The following ENTPD1 variants were observed in gnomAD, a reference collection of about 807,000 sequenced individuals.
The protein encoded by ENTPD1 is ATP diphosphohydrolase.
Under a neutral mutation model 57.0 loss-of-function variants are expected in ENTPD1, and 33 were observed. The ratio of observed to expected loss-of-function variants is 0.58; its 90% CI spans 0.44 to 0.77. The LOEUF is 0.77. Among genes scored for constraint, ENTPD1 ranks in the 30% least tolerant of loss-of-function variants. The probability of loss-of-function intolerance (pLI) is 0.00; values close to 1 mark genes in which losing one functional copy is unlikely to be tolerated. For synonymous variants in ENTPD1, 202 were observed against 218.8 expected, an observed-to-expected ratio of 0.92 and a Z score of 0.68; for missense variants, 501 against 603.4, an observed-to-expected ratio of 0.83 and a Z score of 1.78.
intron 1 of ENTPD1, among the ~76,000 whole-genome samples, chr10:95,792,241 T>C (rs2098207527): frequency 6.6e-6 from 1 of 152,146 alleles, no homozygotes; most frequent in African/African-American, 2.4e-5. Flanking sequence ...CCAGGCAAAC[T>C]GGGATGGTTG....
chr10:95,867,537 G>T lies in ENTPD1; in HGVS notation c.*1154G>T. ...TGGAGTGGCATGCTTTTGCCCTATCGTGGAATTTACACATCAGAATGTGCA... is the reference window on the plus strand; with the variant it reads ...TGGAGTGGCATGCTTTTGCCCTATCTTGGAATTTACACATCAGAATGTGCA... On this transcript the variant is annotated 3_prime_UTR_variant, in exon 10 of 10. Transcript: ENST00000371205. The T allele has an allele frequency of 2.0e-6, 2 of 985,410 alleles. No homozygotes were observed. Among genetic ancestry groups the T allele is most frequent in the Non-Finnish European group, 2.4e-6 (2 of 829,934 alleles). 61.0% of individuals were successfully genotyped at this position (985,410 alleles called of 1,614,324 possible). A position where few individuals can be genotyped will look rare whatever the true frequency, so the allele number is the denominator to read the frequency against.
chr10:95,741,492 C>G (rs757569770), intron 1 of ENTPD1, among the ~76,000 whole-genome samples: 1 of 152,128 alleles, frequency 6.6e-6, no homozygotes, highest in Non-Finnish European at 1.5e-5. Flanking sequence ...AGATGTGATA[C>G]AGAGACATGA....
chr10:95,773,963 G>A (rs960573360), intron 1 of ENTPD1, among the ~76,000 whole-genome samples: 34 of 152,264 alleles, frequency 2.2e-4, no homozygotes, highest in African/African-American at 5.5e-4. Context: ...GTGTAAAAGC[G>A]TTCCTATTTC....
At chr10:95,817,839 C>A (rs1418863125) in intron 1 of ENTPD1, among the ~76,000 whole-genome samples, 1 of 152,176 alleles carries the variant, frequency 6.6e-6, no homozygotes, top group Non-Finnish European at 1.5e-5. Flanking sequence ...AATATAAGCA[C>A]CATGAGGATA....
chr10:95,846,602 C>T (rs901827433), intron 6 of ENTPD1, among the ~76,000 whole-genome samples: 4 of 152,094 alleles, frequency 2.6e-5, no homozygotes, highest in African/African-American at 9.7e-5. Flanking sequence ...GAGTAGGGGG[C>T]GCTGAGAGAC....
At chr10:95,756,276 A>G in intron 1 of ENTPD1, 21 bp downstream of exon 1, 1 of 1,578,068 alleles carries the variant, frequency 6.3e-7, no homozygotes, top group Non-Finnish European at 8.6e-7. Flanking sequence ...AATTGATTTG[A>G]TCTGAATCCT....
intron 1 of ENTPD1, among the ~76,000 whole-genome samples, chr10:95,733,360 T>C (rs1217055425): frequency 9.2e-5 from 14 of 152,216 alleles, no homozygotes; most frequent in Non-Finnish European, 5.9e-5. Context: ...TTTCATATTG[T>C]TTAAACACAC....
intron 1 of ENTPD1, among the ~76,000 whole-genome samples, chr10:95,814,899 T>A (rs2098324760): frequency 1.3e-5 from 2 of 152,160 alleles, no homozygotes; most frequent in African/African-American, 2.4e-5. Flanking sequence ...GGCTCTATTT[T>A]CTTACCTGTG....
At chr10:95,760,161 G>A (rs776514071) in intron 1 of ENTPD1, among the ~76,000 whole-genome samples, 1 of 152,106 alleles carries the variant, frequency 6.6e-6, no homozygotes, top group African/African-American at 2.4e-5. Context: ...ATGAGACTTT[G>A]TCTCTAACAA....
Position 95,873,196 on chromosome 10 carries a change from C to T in ENTPD1, c.*6813C>T, listed in dbSNP as rs543942947. ...GTATCAAAGGTCTAGATGACATTAT[C>T]ATTCCAAAGAGTTTCTTTTACAGGC... On this transcript the variant is annotated 3_prime_UTR_variant, in exon 10 of 10. Coordinates refer to ENST00000371205, the MANE Select transcript of ENTPD1 (RefSeq NM_001776.6). 34 of 985,442 alleles carry T rather than the reference C, an allele frequency of 3.5e-5. No homozygotes were observed. The South Asian group carries it at 1.3e-3, about 37-fold the overall frequency. The allele number at this position is 985,442 out of a possible 1,614,324, so 61.0% of individuals were successfully genotyped here.
At chr10:95,776,826 T>C (rs1251077021) in intron 1 of ENTPD1, among the ~76,000 whole-genome samples, 1 of 152,232 alleles carries the variant, frequency 6.6e-6, no homozygotes, top group Non-Finnish European at 1.5e-5. Context: ...GAGGCTTTGT[T>C]CATTTCTTTT....
intron 8 of ENTPD1, among the ~76,000 whole-genome samples, chr10:95,863,886 G>C: frequency 6.6e-6 from 1 of 152,232 alleles, no homozygotes; most frequent in East Asian, 1.9e-4. Flanking sequence ...GCAGCAGACA[G>C]AAGTCCAGGC....
Position 95,872,873 on chromosome 10 carries a change from A to C in ENTPD1, c.*6490A>C, listed in dbSNP as rs139184841. ...TCCCTGATGAAGCTTTTATTCCCCTAGCCACATGGAACTTTTCCTTTTTGG... is the reference window on the plus strand; with the variant it reads ...TCCCTGATGAAGCTTTTATTCCCCTCGCCACATGGAACTTTTCCTTTTTGG... On this transcript the variant is annotated 3_prime_UTR_variant, in exon 10 of 10. Coordinates refer to ENST00000371205, the MANE Select transcript of ENTPD1 (RefSeq NM_001776.6). The C allele has an allele frequency of 2.7e-4, 263 of 985,390 alleles. No individual in the cohort carries two copies. The highest frequency in any genetic ancestry group is 3.0e-4 in the Non-Finnish European group (253 of 829,918). The allele number at this position is 985,390 out of a possible 1,614,324, so 61.0% of individuals were successfully genotyped here. A position where few individuals can be genotyped will look rare whatever the true frequency, so the allele number is the denominator to read the frequency against.
intron 1 of ENTPD1, among the ~76,000 whole-genome samples, chr10:95,762,737 G>A (rs916378209): frequency 6.6e-6 from 1 of 152,124 alleles, no homozygotes; most frequent in African/African-American, 2.4e-5. Flanking sequence ...ATTGAAACTT[G>A]TTAATGTTTT....
chr10:95,774,946 A>G (rs1334285703), intron 1 of ENTPD1, among the ~76,000 whole-genome samples: 2 of 152,128 alleles, frequency 1.3e-5, no homozygotes, highest in African/African-American at 4.8e-5. Flanking sequence ...CATGATATTG[A>G]TTCTTCCTAT....
chr10:95,859,723 G>T (rs974570897), intron 7 of ENTPD1, among the ~76,000 whole-genome samples: 1 of 152,074 alleles, frequency 6.6e-6, no homozygotes, highest in African/African-American at 2.4e-5. Flanking sequence ...GCAGTTATAG[G>T]GTGGTATGAA....
chr10:95,809,882 G>T (rs1277410812), intron 1 of ENTPD1, among the ~76,000 whole-genome samples: 3 of 146,796 alleles, frequency 2.0e-5, no homozygotes, highest in Non-Finnish European at 4.5e-5. Flanking sequence ...CAGTGGCCAG[G>T]CAGAGGTGCT....
rs1214110867 is a variant in ENTPD1, at chr10:95,872,881, G to A, written c.*6498G>A. On this transcript the variant is annotated 3_prime_UTR_variant, in exon 10 of 10. Transcript: ENST00000371205. The stretch of plus-strand genomic sequence containing the variant: ...GAAGCTTTTATTCCCCTAGCCACAT[G>A]GAACTTTTCCTTTTTGGAACATGCC... 2.0e-6 allele frequency: 2 copies of A among 985,226 alleles called. No individual in the cohort carries two copies. The highest frequency in any genetic ancestry group is 3.5e-5 in the African/African-American group (2 of 57,192). The allele number at this position is 985,226 out of a possible 1,614,324, so 61.0% of individuals were successfully genotyped here.
the ENTPD1 span, among the ~76,000 whole-genome samples, chr10:95,704,450 A>G: frequency 5.9e-5 from 9 of 152,218 alleles, no homozygotes; most frequent in Admixed American, 1.3e-4. Context: ...AAGATCAACA[A>G]ATAGATCAAT....
Sources: allele counts gnomAD v4.1 joint callset (sites outside exome capture counted in the v4.1 genomes callset), GRCh38; gene constraint gnomAD v4.1.1; transcripts MANE v1.5; gene names NCBI Gene and HGNC (gene_info 2026-07-23, HGNC 2026-07-21).